Variants in GALK2 observed in about 807,000 individuals in gnomAD.
GALK2 encodes galactokinase 2.
Under a neutral mutation model 52.4 loss-of-function variants are expected in GALK2, and 36 were observed. The observed-to-expected ratio is 0.69, with a 90% CI of 0.53 to 0.91. The LOEUF (loss-of-function observed/expected upper bound fraction) is 0.91. GALK2 is among the 40% of genes least tolerant of loss of function. The pLI, the probability that GALK2 is intolerant of heterozygous loss-of-function variation, is 0.00. For synonymous variants in GALK2, 176 were observed against 199.1 expected, an observed-to-expected ratio of 0.88 and a Z score of 0.98; for missense variants, 579 against 559.1, an observed-to-expected ratio of 1.04 and a Z score of -0.36.
chr15:49,247,677 A>C (rs1056331077), intron 5 of GALK2, among the ~76,000 whole-genome samples: 3 of 152,304 alleles, frequency 2.0e-5, no homozygotes, highest in African/African-American at 7.2e-5. Flanking sequence ...TAAAGGAAGG[A>C]AAGGCTGGGA....
At chr15:49,243,700 A>G (rs1287059982) in intron 5 of GALK2, among the ~76,000 whole-genome samples, 1 of 152,190 alleles carries the variant, frequency 6.6e-6, no homozygotes, top group Non-Finnish European at 1.5e-5. Context: ...CAAAGACATG[A>G]TGTCCTCAGA....
chr15:49,270,056 A>G (rs2141683747), intron 5 of GALK2, among the ~76,000 whole-genome samples: 1 of 152,250 alleles, frequency 6.6e-6, no homozygotes, highest in South Asian at 2.1e-4. Flanking sequence ...CTTGTTTATC[A>G]TCGCTCCCCT....
chr15:49,306,716 TTA>T (rs2035577857), intron 8 of GALK2, among the ~76,000 whole-genome samples: 2 of 152,216 alleles, frequency 1.3e-5, no homozygotes, highest in African/African-American at 4.8e-5. Flanking sequence ...CGATTCCTTC[TTA>T]ACTCTCTAGG....
Position 49,217,256 on chromosome 15 carries a change from C to T in GALK2, c.209C>T (p.Ala70Val), listed in dbSNP as rs754818092. 13 of 1,612,934 alleles carry T rather than the reference C, an allele frequency of 8.1e-6. 1 individual carries two copies. In the South Asian group the frequency reaches 1.3e-4, roughly 16 times the overall value. The change falls in exon 3 of 10, where the codon GCT becomes GTT. Residue 70 changes from alanine (A) to valine (V), a missense_variant. Physicochemically the swap from Ala to Val is moderately conservative, Grantham distance 64. Transcript: ENST00000560031. Reference sequence around the variant, plus strand: ...GCTGTAGAACAAGATGTGCTAATAGCTGTAGAACCTGTGAAAACGTACGCT... The same window carrying T: ...GCTGTAGAACAAGATGTGCTAATAGTTGTAGAACCTGTGAAAACGTACGCT... ...PMAVEQDVLIAVEPVKTYALQ... is the reference protein window; with the variant it reads ...PMAVEQDVLIVVEPVKTYALQ...
intron 1 of GALK2, among the ~76,000 whole-genome samples, chr15:49,162,939 T>C (rs1484656529): frequency 6.6e-6 from 1 of 152,254 alleles, no homozygotes; most frequent in Non-Finnish European, 1.5e-5. Context: ...GTGTATTTAT[T>C]TATACTACTA....
At chr15:49,214,635 C>G (rs760243152) in intron 2 of GALK2, among the ~76,000 whole-genome samples, 9 of 151,888 alleles carry the variant, frequency 5.9e-5, no homozygotes, top group African/African-American at 1.5e-4. Context: ...CCACCATGCC[C>G]GGCTGCTTTG....
At chr15:49,195,028 T>C (rs11635814) in intron 1 of GALK2, 85,946 of 440,628 alleles carry the variant, frequency 0.2, 9,007 homozygotes, top group Middle Eastern at 0.27. Context: ...TGATGTTGTA[T>C]CATCTTATCC....
At chr15:49,177,704 T>C in intron 1 of GALK2, 1 of 651,308 alleles carries the variant, frequency 1.5e-6, no homozygotes, top group Non-Finnish European at 2.3e-6. Context: ...AGGCCACGGA[T>C]CTTTCGGCCT....
intron 5 of GALK2, among the ~76,000 whole-genome samples, chr15:49,266,262 C>G (rs910764772): frequency 6.6e-6 from 1 of 152,000 alleles, no homozygotes; most frequent in Non-Finnish European, 1.5e-5. Flanking sequence ...CTGTTTATAT[C>G]TCATATGCCT....
At chr15:49,286,442 G>A (rs1052820328) in intron 7 of GALK2, among the ~76,000 whole-genome samples, 1 of 152,280 alleles carries the variant, frequency 6.6e-6, no homozygotes, top group African/African-American at 2.4e-5. Flanking sequence ...CCTTGTTACT[G>A]ACTTAGCACT....
rs539276900 is a variant in GALK2 at position 49,355,648 on chromosome 15, C to G, written c.427-11843C>G. On this transcript the variant is annotated intron_variant, in intron 3 of 3. Transcript: ENST00000558399. ...CTGAAAGTGATGGGGAGAATGGAAC[C>G]AAGTTGGAAAACACTCTGCAGGATA... is the stretch of plus-strand genomic sequence containing the variant. 1.3e-4 allele frequency among the ~76,000 whole-genome samples: 20 copies of G among 152,056 alleles called. No individual in the cohort carries two copies. In the South Asian group the frequency reaches 3.9e-3, roughly 30 times the overall value.
At position 49,305,610 on chromosome 15, in the gene GALK2, G is replaced by A. The variant is rs551753665; in HGVS notation, c.967+13073G>A. Among the ~76,000 whole-genome samples the A allele has an allele frequency of 7.1e-4, 108 of 152,276 alleles. 1 individual carries two copies. The highest frequency in any genetic ancestry group is 2.0e-3 in the Admixed American group (30 of 15,284). On this transcript the variant is annotated intron_variant, in intron 8 of 9. Coordinates refer to ENST00000560031, the MANE Select transcript of GALK2 (RefSeq NM_002044.4). Reference sequence around the variant, plus strand: ...GTCTTTTAATGAGAAGTTATAAAATGTTCCAAGAAGAAGCAATATAAAAGT... The same window carrying A: ...GTCTTTTAATGAGAAGTTATAAAATATTCCAAGAAGAAGCAATATAAAAGT...
intron 5 of GALK2, among the ~76,000 whole-genome samples, chr15:49,267,782 T>G (rs1332687287): frequency 1.3e-5 from 2 of 152,192 alleles, no homozygotes; most frequent in Non-Finnish European, 2.9e-5. Context: ...AATCCTTACT[T>G]CTTTCATATT....
At position 49,235,556 on chromosome 15, in the gene GALK2, C is replaced by T. The variant is rs1595778368; in HGVS notation, c.267-295C>T. 3 of 522,918 alleles carry T rather than the reference C, an allele frequency of 5.7e-6. No homozygotes were observed. The East Asian group carries it at 1.4e-4, about 25-fold the overall frequency. The allele number at this position is 522,918 out of a possible 1,614,324, so 32.4% of individuals were successfully genotyped here. ...ATTCATGTGGTTTACACCAGTTTAA[C>T]AAGGACCAACATGAAAGAGAAAATA... On this transcript the variant is annotated intron_variant, in intron 3 of 9. Transcript: ENST00000560031.
intron 1 of GALK2, among the ~76,000 whole-genome samples, chr15:49,173,803 C>T (rs1170813422): frequency 1.3e-5 from 2 of 152,074 alleles, no homozygotes; most frequent in African/African-American, 4.8e-5. Context: ...AGTGCAGTGG[C>T]ACTATCTTGG....
intron 3 of GALK2, among the ~76,000 whole-genome samples, chr15:49,228,858 C>T (rs2090343893): frequency 6.7e-6 from 1 of 150,210 alleles, no homozygotes; most frequent in Non-Finnish European, 1.5e-5. Flanking sequence ...CCACACCTGG[C>T]TGATTTTTGT....
At chr15:49,294,454 T>C (rs2034268139) in intron 8 of GALK2, among the ~76,000 whole-genome samples, 1 of 152,196 alleles carries the variant, frequency 6.6e-6, no homozygotes, top group African/African-American at 2.4e-5. Context: ...AAAGGCCTTA[T>C]TAAATAATTT....
chr15:49,363,444 G>A (rs2044596462), intron 3 of GALK2, among the ~76,000 whole-genome samples: 1 of 152,110 alleles, frequency 6.6e-6, no homozygotes, highest in Admixed American at 6.6e-5. Context: ...TGGTATATGG[G>A]AATGCTATTG....
At chr15:49,156,005 C>T (rs202195090) in exon 1 of GALK2, 13 of 1,614,190 alleles carry the variant, frequency 8.1e-6, no homozygotes, top group Non-Finnish European at 1.7e-6. Flanking sequence ...ACATGCCCGT[C>T]CTATATGACA....
Sources: allele counts gnomAD v4.1 joint callset (sites outside exome capture counted in the v4.1 genomes callset), GRCh38; gene constraint gnomAD v4.1.1; transcripts MANE v1.5; gene names NCBI Gene and HGNC (gene_info 2026-07-23, HGNC 2026-07-21).